The following LYRM4 variants were observed in gnomAD, a reference collection of about 807,000 sequenced individuals.
LYRM4 encodes the protein LYR motif containing 4.
In LYRM4, 9 loss-of-function variants were observed where a neutral mutation model predicts 11.7. That is an observed-to-expected ratio of 0.77 (90% confidence interval 0.46 to 1.34). The LOEUF is 1.34. LYRM4 is among the 40% of genes most tolerant of loss of function. The pLI, the probability that LYRM4 is intolerant of heterozygous loss-of-function variation, is 0.00. For missense variants in LYRM4, 133 were observed against 112.5 expected (o/e 1.18, Z -0.82); for synonymous variants, 42 against 40.4 (o/e 1.04, Z -0.15).
intron 2 of LYRM4, among the ~76,000 whole-genome samples, chr6:5,118,094 A>ATATATATTT: frequency 0.035 from 3,042 of 86,242 alleles, 78 homozygotes; most frequent in Middle Eastern, 0.064. Flanking sequence ...ATATATATAT[A>ATATATATTT]TTTTTGTTTT....
At chr6:5,220,479 A>C (rs904094044) in intron 1 of LYRM4, among the ~76,000 whole-genome samples, 2 of 152,216 alleles carry the variant, frequency 1.3e-5, no homozygotes, top group African/African-American at 4.8e-5. Context: ...AGGAACAATA[A>C]AAGCTGAATC....
chr6:5,088,576 A>T, the LYRM4 span: 1 of 152,240 alleles, frequency 6.6e-6, no homozygotes, highest in African/African-American at 2.4e-5. Flanking sequence ...GAGTAGACAC[A>T]GCAGAGACCA....
intron 2 of LYRM4, among the ~76,000 whole-genome samples, chr6:5,131,073 A>T (rs910288687): frequency 3.3e-5 from 5 of 152,238 alleles, no homozygotes; most frequent in Non-Finnish European, 7.3e-5. Context: ...CTGAAAATCA[A>T]GGGATGAGTT....
chr6:5,132,362 G>A (rs904106418), intron 2 of LYRM4, among the ~76,000 whole-genome samples: 4 of 152,024 alleles, frequency 2.6e-5, no homozygotes, highest in Admixed American at 2.6e-4. Flanking sequence ...ATGAATTATG[G>A]AGCTGAGATA....
chr6:5,123,663 G>T (rs549299525), intron 2 of LYRM4, among the ~76,000 whole-genome samples: 1 of 152,302 alleles, frequency 6.6e-6, no homozygotes, highest in African/African-American at 2.4e-5. Context: ...GCTCCCATCT[G>T]GCCTGGTAGG....
At chr6:5,192,288 G>A (rs1760800701) in intron 2 of LYRM4, among the ~76,000 whole-genome samples, 1 of 152,156 alleles carries the variant, frequency 6.6e-6, no homozygotes, top group South Asian at 2.1e-4. Flanking sequence ...GGGACCCTGT[G>A]TGGGTAGAGA....
At chr6:5,143,983 T>C (rs1201621000) in intron 2 of LYRM4, among the ~76,000 whole-genome samples, 1 of 152,218 alleles carries the variant, frequency 6.6e-6, no homozygotes, top group Admixed American at 6.5e-5. Context: ...GAGCTCCAAT[T>C]CTAAGCTTCT....
chr6:5,124,258 G>A (rs1248096587), intron 2 of LYRM4, among the ~76,000 whole-genome samples: 6 of 152,118 alleles, frequency 3.9e-5, no homozygotes, highest in Admixed American at 2.6e-4. Context: ...AGAAGCCTTG[G>A]CCTCCACACC....
intron 2 of LYRM4, among the ~76,000 whole-genome samples, chr6:5,138,218 G>A (rs765012178): frequency 5.3e-5 from 8 of 152,042 alleles, no homozygotes; most frequent in Non-Finnish European, 1.0e-4. Flanking sequence ...GTGTGGTAGT[G>A]CACACCTGTA....
At chr6:5,242,625 C>A (rs1303017458) in intron 1 of LYRM4, among the ~76,000 whole-genome samples, 3 of 150,596 alleles carry the variant, frequency 2.0e-5, no homozygotes, top group East Asian at 4.2e-4. Context: ...GAGGCTGAGG[C>A]AGGAGAACCA....
In LYRM4 at chr6:5,136,336, C is replaced by T. The variant is rs144435168; in HGVS notation, c.208-26845G>A. The T allele has an allele frequency of 1.4e-5, 14 of 985,374 alleles. No individual in the cohort carries two copies. The African/African-American group carries it at 2.1e-4, about 15-fold the overall frequency. 61.0% of individuals were successfully genotyped at this position (985,374 alleles called of 1,614,324 possible). ...TATTCTTCTAAATGATAACTTGTCC[C>T]CTTTCCTGCTGCCTTTTTGACTGGG... On this transcript the variant is annotated intron_variant, in intron 2 of 2. Coordinates refer to ENST00000330636, the MANE Select transcript of LYRM4 (RefSeq NM_020408.6).
chr6:5,180,644 C>T (rs1258398301), intron 2 of LYRM4, among the ~76,000 whole-genome samples: 3 of 152,188 alleles, frequency 2.0e-5, no homozygotes, highest in Non-Finnish European at 4.4e-5. Flanking sequence ...TTGGTTCCTC[C>T]TATTTTCCTG....
chr6:5,260,616 C>A, intron 1 of LYRM4, 32 bp downstream of exon 1: 2 of 1,489,964 alleles, frequency 1.3e-6, no homozygotes, highest in South Asian at 1.2e-5. Context: ...CCCTGGCCCC[C>A]CGCCCCCGGC....
intron 1 of LYRM4, among the ~76,000 whole-genome samples, chr6:5,223,111 G>T (rs1045974440): frequency 6.6e-6 from 1 of 152,168 alleles, no homozygotes; most frequent in Non-Finnish European, 1.5e-5. Context: ...GGACTCCAAG[G>T]TTAAGAGAAA....
intron 1 of LYRM4, among the ~76,000 whole-genome samples, chr6:5,237,333 G>T (rs1331760363): frequency 6.6e-6 from 1 of 151,892 alleles, no homozygotes; most frequent in African/African-American, 2.4e-5. Context: ...GATCTAGGTT[G>T]TGCACTCCCT....
chr6:5,159,127 G>T (rs1167491264), intron 2 of LYRM4, among the ~76,000 whole-genome samples: 1 of 152,248 alleles, frequency 6.6e-6, no homozygotes, highest in Admixed American at 6.5e-5. Context: ...GAGGGGGCCA[G>T]ACTGACAGCA....
intron 1 of LYRM4, among the ~76,000 whole-genome samples, chr6:5,247,294 GA>G (rs1764239510): frequency 6.6e-6 from 1 of 152,218 alleles, no homozygotes; most frequent in Non-Finnish European, 1.5e-5. Flanking sequence ...GAGAGAAACA[GA>G]ACACTAGACT....
chr6:5,215,141 C>T (rs1260475003), intron 2 of LYRM4, among the ~76,000 whole-genome samples: 1 of 151,950 alleles, frequency 6.6e-6, no homozygotes, highest in Non-Finnish European at 1.5e-5. Context: ...ATTTACAATC[C>T]CCCTTTTCTA....
chr6:5,208,373 A>T (rs780021659), intron 2 of LYRM4, among the ~76,000 whole-genome samples: 3 of 152,266 alleles, frequency 2.0e-5, no homozygotes, highest in African/African-American at 4.8e-5. Context: ...CTGCTTCAGC[A>T]TCAAAACAGT....
Sources: allele counts gnomAD v4.1 joint callset (sites outside exome capture counted in the v4.1 genomes callset), GRCh38; gene constraint gnomAD v4.1.1; transcripts MANE v1.5; gene names NCBI Gene and HGNC (gene_info 2026-07-23, HGNC 2026-07-21).